The following MRPL39 variants were observed in gnomAD, a reference collection of about 807,000 sequenced individuals.
MRPL39 encodes large ribosomal subunit protein mL39.
MRPL39 carries 35 observed loss-of-function variants against 44.5 expected under a neutral mutation model. The ratio of observed to expected loss-of-function variants is 0.79; its 90% CI spans 0.60 to 1.04. The LOEUF (loss-of-function observed/expected upper bound fraction) is 1.04. Ranked by LOEUF, MRPL39 falls within the 50% of genes least tolerant of loss-of-function variation. MRPL39 has a pLI of 0.00. For missense variants in MRPL39, 433 were observed against 413.5 expected (o/e 1.05, Z -0.41); for synonymous variants, 139 against 136.1 (o/e 1.02, Z -0.15).
intron 8 of MRPL39, among the ~76,000 whole-genome samples, chr21:25,590,812 G>C (rs1392117208): frequency 6.6e-6 from 1 of 152,072 alleles, no homozygotes; most frequent in African/African-American, 2.4e-5. Flanking sequence ...GACTAGAAGA[G>C]TTAAAACAAT....
At chr21:25,593,036 T>C (rs1409835116) in intron 7 of MRPL39, 71 bp from the exon 8 acceptor site, 1 of 1,322,274 alleles carries the variant, frequency 7.6e-7, no homozygotes, top group South Asian at 1.5e-5. Context: ...AAAAGAAATC[T>C]CTTCCTTCTC....
chr21:25,596,719 A>G (rs1455899994), intron 6 of MRPL39, among the ~76,000 whole-genome samples: 2 of 151,790 alleles, frequency 1.3e-5, no homozygotes, highest in African/African-American at 2.4e-5. Flanking sequence ...AGTTAGTTCT[A>G]ATATTGTATT....
intron 2 of MRPL39, among the ~76,000 whole-genome samples, chr21:25,604,306 AT>A (rs1006097235): frequency 3.9e-4 from 59 of 152,256 alleles, no homozygotes; most frequent in African/African-American, 1.3e-3. Context: ...TCAAGGTCTT[AT>A]TGGTTATTAA....
chr21:25,595,901 C>T (rs773994217), intron 6 of MRPL39, among the ~76,000 whole-genome samples: 5 of 152,086 alleles, frequency 3.3e-5, no homozygotes, highest in African/African-American at 1.2e-4. Flanking sequence ...ATTTTCTTGT[C>T]GAATCAATGC....
At chr21:25,604,003 T>C in intron 2 of MRPL39, 68 bp from the exon 3 acceptor site, 4 of 1,419,060 alleles carry the variant, frequency 2.8e-6, no homozygotes, top group East Asian at 4.7e-5. Context: ...TTAAGTGCTA[T>C]ATTTAGAAAT....
chr21:25,607,648 A>G, upstream of MRPL39: 2 of 658,522 alleles, frequency 3.0e-6, no homozygotes, highest in Non-Finnish European at 5.1e-6. Context: ...AGACCCCGAG[A>G]CTCGGAGCCG....
At chr21:25,586,733 C>G (rs2031009825) in intron 9 of MRPL39, among the ~76,000 whole-genome samples, 1 of 152,162 alleles carries the variant, frequency 6.6e-6, no homozygotes, top group African/African-American at 2.4e-5. Context: ...AACCTCCAAC[C>G]CATTTTCCAA....
chr21:25,593,367 A>G (rs2829811), intron 7 of MRPL39, among the ~76,000 whole-genome samples: 11,639 of 152,272 alleles, frequency 0.076, 1,099 homozygotes, highest in African/African-American at 0.21. Context: ...AGTGAAGTCC[A>G]ATTCATAAAA....
At chr21:25,590,850 G>T (rs1452575650) in intron 8 of MRPL39, among the ~76,000 whole-genome samples, 1 of 152,058 alleles carries the variant, frequency 6.6e-6, no homozygotes, top group African/African-American at 2.4e-5. Flanking sequence ...AACAAGGGAG[G>T]AATTACTCTA....
rs2031170537 is a variant in MRPL39, at chr21:25,591,218, G to A, written c.921+1594C>T. Among the ~76,000 whole-genome samples, 3 of 151,736 alleles carry A rather than the reference G, an allele frequency of 2.0e-5. No homozygotes were observed. In the South Asian group the frequency reaches 6.2e-4, roughly 32 times the overall value. Reference sequence around the variant, plus strand: ...GAAAAAAAAAAGGAGAAAATCTTTGGGATGTAGGACTGGTCAAAGAGTTCT... The same window carrying A: ...GAAAAAAAAAAGGAGAAAATCTTTGAGATGTAGGACTGGTCAAAGAGTTCT... On this transcript the variant is annotated intron_variant, in intron 8 of 9. Transcript: ENST00000352957.
intron 6 of MRPL39, among the ~76,000 whole-genome samples, chr21:25,594,219 G>GTT (rs1251120488): frequency 7.1e-6 from 1 of 139,928 alleles, no homozygotes; most frequent in Non-Finnish European, 1.6e-5. Context: ...TTCTCAATGT[G>GTT]TTCTTTCTTT....
At chr21:25,588,459 G>A (rs1041301509) in intron 9 of MRPL39, among the ~76,000 whole-genome samples, 6 of 152,076 alleles carry the variant, frequency 3.9e-5, no homozygotes, top group Admixed American at 6.5e-5. Context: ...GGCTAAAGGC[G>A]GCTTTAAAAT....
rs775736905 is a variant in MRPL39, at chr21:25,606,658, G to A, written c.74-3C>T. On this transcript the variant is annotated splice_polypyrimidine_tract_variant and splice_region_variant and intron_variant, in intron 1 of 9. Coordinates refer to ENST00000352957, the MANE Select transcript of MRPL39 (RefSeq NM_017446.4). ...AGCTGACGATGTTGCTATAAATCCT[G>A]TGGAGAAGTTACAATAAATATGAAG... 1.2e-6 allele frequency: 2 copies of A among 1,604,048 alleles called. No homozygotes were observed. Among genetic ancestry groups the A allele is most frequent in the Admixed American group, 1.7e-5 (1 of 59,430 alleles).
At chr21:25,593,128 TAA>T (rs1262786721) in intron 7 of MRPL39, among the ~76,000 whole-genome samples, 163 bp from the exon 8 acceptor site, 2 of 152,206 alleles carry the variant, frequency 1.3e-5, no homozygotes, top group Admixed American at 1.3e-4. Context: ...TGATCTCAAG[TAA>T]AGAGGCTAAA....
chr21:25,590,673 A>T (rs2031146586), intron 8 of MRPL39, among the ~76,000 whole-genome samples: 1 of 152,218 alleles, frequency 6.6e-6, no homozygotes, highest in Non-Finnish European at 1.5e-5. Context: ...CATAGACTGG[A>T]AACCTCAACA....
intron 7 of MRPL39, 94 bp downstream of exon 7, chr21:25,593,799 C>A (rs1004353922): frequency 9.3e-7 from 1 of 1,075,860 alleles, no homozygotes; most frequent in Admixed American, 2.3e-5. Context: ...AAATAAGACA[C>A]AAATTCATCT....
intron 9 of MRPL39, chr21:25,587,843 G>T: frequency 7.6e-7 from 1 of 1,314,384 alleles, no homozygotes; most frequent in South Asian, 1.2e-5. Context: ...TAAGTTTAAT[G>T]TGTGATGCTT....
At chr21:25,592,448 C>T (rs997621225) in intron 8 of MRPL39, among the ~76,000 whole-genome samples, 1 of 151,994 alleles carries the variant, frequency 6.6e-6, no homozygotes. Flanking sequence ...TGTCAGGCTT[C>T]GGGTCATGAT....
At chr21:25,591,390 C>G (rs1191890517) in intron 8 of MRPL39, among the ~76,000 whole-genome samples, 8 of 151,912 alleles carry the variant, frequency 5.3e-5, no homozygotes, top group Non-Finnish European at 8.8e-5. Flanking sequence ...AAGGTACAGA[C>G]AGAAAAAGAG....
Sources: allele counts gnomAD v4.1 joint callset (sites outside exome capture counted in the v4.1 genomes callset), GRCh38; gene constraint gnomAD v4.1.1; transcripts MANE v1.5; gene names NCBI Gene and HGNC (gene_info 2026-07-23, HGNC 2026-07-21).